The following IQCH variants were observed in gnomAD, a reference collection of about 807,000 sequenced individuals.
IQCH encodes IQ motif containing H, also known as IQ domain-containing protein H.
A neutral mutation model predicts 117.0 loss-of-function variants in IQCH; 98 were observed. The ratio of observed to expected loss-of-function variants is 0.84; its 90% CI spans 0.71 to 0.99. The LOEUF is 0.99. Among genes scored for constraint, IQCH ranks in the 50% least tolerant of loss-of-function variants. The pLI is 0.00. For synonymous variants in IQCH, 412 were observed against 448.2 expected (o/e 0.92, Z 1.02); for missense variants, 1,102 against 1,243.8 (o/e 0.89, Z 1.72).
At chr15:67,292,511 C>T (rs1486766505) in intron 4 of IQCH, among the ~76,000 whole-genome samples, 2 of 152,052 alleles carry the variant, frequency 1.3e-5, no homozygotes, top group East Asian at 3.9e-4. Context: ...CCTTGGCCTC[C>T]CAAAATGCTG....
chr15:67,475,825 A>G lies in IQCH; in HGVS notation c.2799+7A>G. Reference sequence around the variant, plus strand: ...CATTGGCTATGATGTTGAGGTATGAAGGGTTACAGTTGGCCAGGGGCGGCC... The same window carrying G: ...CATTGGCTATGATGTTGAGGTATGAGGGGTTACAGTTGGCCAGGGGCGGCC... On this transcript the variant is annotated splice_region_variant and intron_variant, in intron 18 of 20. Transcript: ENST00000335894. This position sits in a 1 kb window ranked among gnomAD's most constrained non-coding sequence, Gnocchi z 5.7. 1 of 1,613,476 alleles carries G rather than the reference A, an allele frequency of 6.2e-7. No homozygotes were observed. The highest frequency in any genetic ancestry group is 1.1e-5 in the South Asian group (1 of 90,938).
At chr15:67,265,664 T>C (rs1430374645) in intron 3 of IQCH, among the ~76,000 whole-genome samples, 1 of 152,152 alleles carries the variant, frequency 6.6e-6, no homozygotes, top group African/African-American at 2.4e-5. Context: ...GATGGGAATA[T>C]ATAGAAACAA....
chr15:67,338,513 AT>A (rs1331241804), intron 5 of IQCH, among the ~76,000 whole-genome samples: 2 of 152,030 alleles, frequency 1.3e-5, no homozygotes, highest in African/African-American at 2.4e-5. Flanking sequence ...CAGTGTCTAT[AT>A]TTTTTTAGGT....
rs1413119044 is a variant in IQCH at position 67,395,914 on chromosome 15, C to T, written c.1905+351C>T. Among the ~76,000 whole-genome samples, 3 of 152,026 alleles carry T rather than the reference C, an allele frequency of 2.0e-5. No individual in the cohort carries two copies. In the East Asian group the frequency reaches 5.8e-4, roughly 29 times the overall value. On this transcript the variant is annotated intron_variant, in intron 13 of 20. Transcript: ENST00000335894. This position sits in a 1 kb window ranked among gnomAD's most constrained non-coding sequence, Gnocchi z 4.0. Reference sequence around the variant, plus strand: ...CGAACTCCTGACCTCTAGTGATCTGCCCACCTCAGCCTCCCAAAGTGCTGG... The same window carrying T: ...CGAACTCCTGACCTCTAGTGATCTGTCCACCTCAGCCTCCCAAAGTGCTGG...
intron 4 of IQCH, among the ~76,000 whole-genome samples, chr15:67,298,386 A>G (rs1402530439): frequency 6.6e-6 from 1 of 152,068 alleles, no homozygotes; most frequent in East Asian, 1.9e-4. Flanking sequence ...AACATCACTG[A>G]TCATCAGAGA....
intron 20 of IQCH, among the ~76,000 whole-genome samples, chr15:67,495,277 T>C (rs1206809655): frequency 6.6e-6 from 1 of 152,200 alleles, no homozygotes; most frequent in Non-Finnish European, 1.5e-5. Flanking sequence ...CCCTACAACA[T>C]GATTGAGAAG....
At chr15:67,265,572 G>A (rs1476378116) in intron 3 of IQCH, among the ~76,000 whole-genome samples, 1 of 152,128 alleles carries the variant, frequency 6.6e-6, no homozygotes, top group Non-Finnish European at 1.5e-5. Flanking sequence ...CGAAAAAACT[G>A]GAGAAAAATC....
intron 14 of IQCH, among the ~76,000 whole-genome samples, chr15:67,414,922 A>G (rs1421126944): frequency 6.6e-6 from 1 of 152,136 alleles, no homozygotes; most frequent in Non-Finnish European, 1.5e-5. Context: ...GAGAGGGCCC[A>G]GGCTGTGAGA....
chr15:67,501,423 T>C lies in IQCH; in HGVS notation c.*677T>C, dbSNP rs2083977156. Reference sequence around the variant, plus strand: ...AAGATGGAGTGTAGCTCGAGCTCTGTAGCTTGAATAAACATTTGTATTCTC... The same window carrying C: ...AAGATGGAGTGTAGCTCGAGCTCTGCAGCTTGAATAAACATTTGTATTCTC... On this transcript the variant is annotated 3_prime_UTR_variant, in exon 21 of 21. Transcript: ENST00000335894. The surrounding 1 kb of genome is among the most constrained non-coding windows in gnomAD (Gnocchi z 5.2). The C allele has an allele frequency of 6.6e-6, 1 of 152,174 alleles. No homozygotes were observed. The highest frequency in any genetic ancestry group is 2.4e-5 in the African/African-American group (1 of 41,438). 9.4% of individuals were successfully genotyped at this position (152,174 alleles called of 1,614,324 possible). A position where few individuals can be genotyped will look rare whatever the true frequency, so the allele number is the denominator to read the frequency against.
In IQCH at chr15:67,372,275, G is replaced by C. The variant is rs1970563231; in HGVS notation, c.918G>C (p.Glu306Asp). 2 of 1,613,942 alleles carry C rather than the reference G, an allele frequency of 1.2e-6. No homozygotes were observed. Among genetic ancestry groups the C allele is most frequent in the African/African-American group, 1.3e-5 (1 of 74,896 alleles). Reference protein sequence around the residue: ...GGIFSLLEHVEKFLRNYAIPE... With the variant: ...GGIFSLLEHVDKFLRNYAIPE... ...TTTTTTCTCTCTTGGAACACGTCGA[G>C]AAGTTTCTCAGGAACTATGCTATAC... is the stretch of plus-strand genomic sequence containing the variant. Residue 306 changes from glutamate to aspartate, a missense_variant, in exon 9 of 21, where the codon GAG becomes GAC. Around this residue, in one of 2 missense-constraint regions of IQCH, gnomAD observed 452 missense variants for 449.6 expected, o/e 1.01. Transcript: ENST00000335894.
At chr15:67,492,752 G>C (rs1251807713) in intron 19 of IQCH, among the ~76,000 whole-genome samples, 1 of 152,180 alleles carries the variant, frequency 6.6e-6, no homozygotes, top group Non-Finnish European at 1.5e-5. Context: ...GCAGAGGCAG[G>C]GTTCCTGAAG....
chr15:67,465,208 C>T lies in IQCH; in HGVS notation c.2587C>T (p.Leu863=). ...QLTLYLTNGH[L]DCSLSTLEVP... ...CACCTTATACCTGACAAACGGCCAT[C>T]TGGATTGCAGTTTGAGCACCCTGGA... The change falls in exon 17 of 21, where the codon CTG becomes TTG. Residue 863 remains leucine, a synonymous_variant. Transcript: ENST00000335894. This position sits in a 1 kb window ranked among gnomAD's most constrained non-coding sequence, Gnocchi z 5.9. 1 of 1,614,176 alleles carries T rather than the reference C, an allele frequency of 6.2e-7. No individual in the cohort carries two copies. Among genetic ancestry groups the T allele is most frequent in the Non-Finnish European group, 8.5e-7 (1 of 1,180,022 alleles).
chr15:67,293,492 T>C (rs1212872871), intron 4 of IQCH, among the ~76,000 whole-genome samples: 2 of 152,180 alleles, frequency 1.3e-5, no homozygotes, highest in African/African-American at 4.8e-5. Flanking sequence ...TTTGTAATAC[T>C]TAATACCATG....
chr15:67,400,333 G>A (rs370816178), intron 14 of IQCH, 28 bp downstream of exon 14: 37 of 1,563,382 alleles, frequency 2.4e-5, no homozygotes, highest in South Asian at 2.0e-4. Flanking sequence ...ACTTAAACCC[G>A]CAGGGTCTGT....
intron 4 of IQCH, among the ~76,000 whole-genome samples, chr15:67,324,034 C>T (rs186361234): frequency 1.7e-4 from 25 of 150,534 alleles, no homozygotes; most frequent in African/African-American, 6.1e-4. Flanking sequence ...ACCTCCACCT[C>T]CCGGGCTCAA....
In IQCH at chr15:67,443,792, C is replaced by T. The variant is rs1021750003; in HGVS notation, c.2506-21335C>T. On this transcript the variant is annotated intron_variant, in intron 16 of 20. Coordinates refer to ENST00000335894, the MANE Select transcript of IQCH (RefSeq NM_001031715.3). The surrounding 1 kb of genome is among the most constrained non-coding windows in gnomAD (Gnocchi z 5.0). ...ATAGCACTGATGGCCAGAGTAATTA[C>T]GAATGATAATATTAACTACTTACTG... Among the ~76,000 whole-genome samples, 1 of 152,170 alleles carries T rather than the reference C, an allele frequency of 6.6e-6. No individual in the cohort carries two copies. The highest frequency in any genetic ancestry group is 6.5e-5 in the Admixed American group (1 of 15,270).
chr15:67,303,911 G>A lies in IQCH; in HGVS notation c.387+24399G>A, dbSNP rs1226126656. Among the ~76,000 whole-genome samples the A allele has an allele frequency of 2.6e-5, 4 of 152,286 alleles. No individual in the cohort carries two copies. In the East Asian group the frequency reaches 7.7e-4, roughly 29 times the overall value. On this transcript the variant is annotated intron_variant, in intron 4 of 20. Transcript: ENST00000335894. ...ACCAGGCCCAAACTGAGATTTACCTGTAAATGTCCCTAGAGGAAAGTGGCC... is the reference window on the plus strand; with the variant it reads ...ACCAGGCCCAAACTGAGATTTACCTATAAATGTCCCTAGAGGAAAGTGGCC...
chr15:67,312,563 C>G (rs1287538348), intron 4 of IQCH, among the ~76,000 whole-genome samples: 1 of 152,114 alleles, frequency 6.6e-6, no homozygotes, highest in Admixed American at 6.6e-5. Flanking sequence ...GTGGATACGT[C>G]TAGACTACCA....
intron 3 of IQCH, among the ~76,000 whole-genome samples, chr15:67,268,266 G>T (rs957038481): frequency 6.6e-6 from 1 of 152,222 alleles, no homozygotes; most frequent in Non-Finnish European, 1.5e-5. Context: ...GCCAGCAAAT[G>T]CAAGATTCTC....
Sources: gnomAD v4.1 joint callset for allele counts (sites outside exome capture counted in the v4.1 genomes callset) on GRCh38, gnomAD v4.1.1 for gene constraint, gnomAD v4.1.1 regional missense constraint, Gnocchi (gnomAD v3.1) non-coding constraint, MANE v1.5 for transcripts, NCBI Gene and HGNC (gene_info 2026-07-23, HGNC 2026-07-21) for gene names.